TRIM38: variants seen among roughly 807,000 people sequenced by gnomAD.
TRIM38 encodes E3 ubiquitin-protein ligase TRIM38.
A neutral mutation model predicts 35.8 loss-of-function variants in TRIM38; 35 were observed. The ratio of observed to expected loss-of-function variants is 0.98; its 90% CI spans 0.75 to 1.30. The LOEUF (loss-of-function observed/expected upper bound fraction) is 1.30, where lower values mean the gene tolerates loss of function less well. Ranked by LOEUF, TRIM38 falls within the 50% of genes most tolerant of loss-of-function variation. TRIM38 has a pLI of 0.00. For synonymous variants in TRIM38, 198 were observed against 204.7 expected, an observed-to-expected ratio of 0.97 and a Z score of 0.28; for missense variants, 545 against 556.9, an observed-to-expected ratio of 0.98 and a Z score of 0.21.
At position 25,990,310 on chromosome 6, in the gene TRIM38, T is replaced by C. The variant is rs1325353546; in HGVS notation, c.*6623T>C. ...TATGCTTTCATTTTAAATTTTAAGT[T>C]TGTCCATATGTATATTGACACAGGG... On this transcript the variant is annotated 3_prime_UTR_variant, in exon 8 of 8. Transcript: ENST00000357085. 1 of 152,220 alleles carries C rather than the reference T, an allele frequency of 6.6e-6. No homozygotes were observed. Among genetic ancestry groups the C allele is most frequent in the Admixed American group, 6.5e-5 (1 of 15,272 alleles). 9.4% of individuals were successfully genotyped at this position (152,220 alleles called of 1,614,324 possible).
chr6:25,973,634 C>T (rs763170503), intron 7 of TRIM38: 2 of 984,714 alleles, frequency 2.0e-6, no homozygotes, highest in Non-Finnish European at 2.4e-6. Flanking sequence ...GTGCTTAGCC[C>T]TGTGACTGAC....
Sources: allele counts gnomAD v4.1 joint callset, GRCh38; gene constraint gnomAD v4.1.1; transcripts MANE v1.5; gene names NCBI Gene and HGNC (gene_info 2026-07-23, HGNC 2026-07-21).